TNR: variants seen among roughly 807,000 people sequenced by gnomAD.
TNR encodes tenascin-R.
TNR carries 45 observed loss-of-function variants against 150.4 expected under a neutral mutation model. That is an observed-to-expected ratio of 0.30 (90% CI 0.24 to 0.38). The LOEUF (loss-of-function observed/expected upper bound fraction) is 0.38, where lower values mean the gene tolerates loss of function less well. TNR is among the 10% of genes least tolerant of loss of function. TNR has a pLI of 1.00. For synonymous variants in TNR, 687 were observed against 678.4 expected, an observed-to-expected ratio of 1.01 and a Z score of -0.20; for missense variants, 1,544 against 1,759.1, an observed-to-expected ratio of 0.88 and a Z score of 2.19.
intron 2 of TNR, among the ~76,000 whole-genome samples, chr1:175,446,757 G>T (rs1178427890): frequency 6.6e-6 from 1 of 152,126 alleles, no homozygotes; most frequent in African/African-American, 2.4e-5. Context: ...TGGTCAGCTG[G>T]AAAAAGGAGA....
intron 2 of TNR, among the ~76,000 whole-genome samples, chr1:175,443,492 T>C (rs1175529240): frequency 1.3e-5 from 2 of 152,184 alleles, no homozygotes; most frequent in East Asian, 3.9e-4. Flanking sequence ...CTCATCATCT[T>C]CTGTGTGCTT....
At position 175,324,354 on chromosome 1, in the gene TNR, A is replaced by T. The variant is rs2101978274; in HGVS notation, c.3957+2T>A. On this transcript the variant is annotated splice_donor_variant, in intron 22 of 22. Transcript: ENST00000367674. LOFTEE classifies it high-confidence loss of function. Reference sequence around the variant, plus strand: ...TCATAGCAGAGGTGGAGCATCGCTTACCTGACTGTGCCTGGACTCCCCGTA... The same window carrying T: ...TCATAGCAGAGGTGGAGCATCGCTTTCCTGACTGTGCCTGGACTCCCCGTA... The T allele has an allele frequency of 6.2e-7, 1 of 1,612,994 alleles. No individual in the cohort carries two copies. The highest frequency in any genetic ancestry group is 8.5e-7 in the Non-Finnish European group (1 of 1,179,694).
At chr1:175,588,970 C>T (rs149065363) in intron 1 of TNR, among the ~76,000 whole-genome samples, 141 of 152,246 alleles carry the variant, frequency 9.3e-4, no homozygotes, top group African/African-American at 3.2e-3. Flanking sequence ...GAAGCCCAAG[C>T]ACCCATTTCA....
At chr1:175,354,626 A>G in intron 17 of TNR, 103 bp from the exon 18 acceptor site, 2 of 1,454,230 alleles carry the variant, frequency 1.4e-6, no homozygotes, top group Non-Finnish European at 1.9e-6. Flanking sequence ...CTAGGTCAGT[A>G]TTGCAATGGC....
At chr1:175,451,328 G>A (rs963698609) in intron 2 of TNR, among the ~76,000 whole-genome samples, 4 of 151,704 alleles carry the variant, frequency 2.6e-5, no homozygotes, top group East Asian at 1.9e-4. Flanking sequence ...CCATTAACTC[G>A]TCATTTACAT....
chr1:175,382,900 CAAAA>C (rs71129507), intron 8 of TNR, among the ~76,000 whole-genome samples: 2 of 103,696 alleles, frequency 1.9e-5, no homozygotes, highest in African/African-American at 3.6e-5. Context: ...GACTCCATCT[CAAAA>C]AAAAAAAAAA....
intron 2 of TNR, among the ~76,000 whole-genome samples, chr1:175,465,872 G>T (rs1214361338): frequency 6.6e-6 from 1 of 152,190 alleles, no homozygotes; most frequent in African/African-American, 2.4e-5. Flanking sequence ...TGTAACTGCT[G>T]GTTGATATAA....
At chr1:175,417,897 T>C (rs1321534973) in intron 2 of TNR, among the ~76,000 whole-genome samples, 2 of 152,214 alleles carry the variant, frequency 1.3e-5, no homozygotes, top group African/African-American at 4.8e-5. Context: ...TTCAGATTAC[T>C]TGTGTGCTAG....
intron 1 of TNR, among the ~76,000 whole-genome samples, chr1:175,632,843 G>A (rs189970051): frequency 1.3e-5 from 2 of 152,270 alleles, no homozygotes; most frequent in Non-Finnish European, 2.9e-5. Flanking sequence ...TGGTATCCAT[G>A]ACTCAAATCC....
In TNR at chr1:175,396,922, G is replaced by GCTC. The variant is rs146732638; in HGVS notation, c.977-118_977-116dup. On this transcript the variant is annotated intron_variant, in intron 4 of 22. Transcript: ENST00000367674. ...ATGCCATGTCTATATGTCCTGCTGG[G>GCTC]CTCAATGGCTTTAAGTGATTTGTAA... is the stretch of plus-strand genomic sequence containing the variant. The GCTC allele has an allele frequency of 9.0e-4, 1,215 of 1,355,132 alleles. 16 individuals carry two copies. In the East Asian group the frequency reaches 0.022, roughly 25 times the overall value. 83.9% of individuals were successfully genotyped at this position (1,355,132 alleles called of 1,614,324 possible).
At chr1:175,682,637 T>C (rs1666069315) in intron 1 of TNR, among the ~76,000 whole-genome samples, 1 of 152,196 alleles carries the variant, frequency 6.6e-6, no homozygotes, top group Non-Finnish European at 1.5e-5. Flanking sequence ...AAGACTCTGA[T>C]GGAGAGGACT....
intron 2 of TNR, among the ~76,000 whole-genome samples, chr1:175,417,875 G>C (rs1654569825): frequency 6.6e-6 from 1 of 152,104 alleles, no homozygotes; most frequent in South Asian, 2.1e-4. Flanking sequence ...ATATTGGATA[G>C]CCATTCGTTT....
Position 175,403,432 on chromosome 1 carries a change from A to T in TNR, c.684T>A (p.Asp228Glu), listed in dbSNP as rs761640942. The change falls in exon 4 of 23, where the codon GAT becomes GAA. Residue 228 changes from aspartate (D) to glutamate (E), a missense_variant. Transcript: ENST00000367674. ...QCICDSEYSGDDCSELRCPTD... is the reference protein window; with the variant it reads ...QCICDSEYSGEDCSELRCPTD... ...TTGGGCACCGGAGTTCGGAACAGTC[A>T]TCCCCGCTGTACTCGCTGTCACAGA... 1.9e-6 allele frequency: 3 copies of T among 1,614,034 alleles called. No individual in the cohort carries two copies. In the African/African-American group the frequency reaches 4.0e-5, roughly 22 times the overall value.
intron 3 of TNR, among the ~76,000 whole-genome samples, chr1:175,403,902 T>G (rs1016394143): frequency 6.6e-6 from 1 of 152,148 alleles, no homozygotes; most frequent in African/African-American, 2.4e-5. Context: ...TAGAAGTAGG[T>G]CTTTGCTAAA....
intron 3 of TNR, among the ~76,000 whole-genome samples, chr1:175,405,594 A>T (rs1653908573): frequency 6.9e-6 from 1 of 144,386 alleles, no homozygotes; most frequent in Non-Finnish European, 1.5e-5. Context: ...TGCATGCGTG[A>T]GAGAGAGAGT....
intron 1 of TNR, among the ~76,000 whole-genome samples, chr1:175,619,213 T>C (rs1663879872): frequency 1.3e-5 from 2 of 151,988 alleles, no homozygotes; most frequent in Non-Finnish European, 2.9e-5. Context: ...AAAAGACAGT[T>C]CCATTAGAAA....
intron 1 of TNR, among the ~76,000 whole-genome samples, chr1:175,656,170 G>A (rs1460343031): frequency 6.6e-6 from 1 of 151,168 alleles, no homozygotes; most frequent in Non-Finnish European, 1.5e-5. Context: ...GTGTGTGTGT[G>A]TGTGTGTGTG....
At chr1:175,619,995 C>T (rs1369664981) in intron 1 of TNR, among the ~76,000 whole-genome samples, 1 of 152,182 alleles carries the variant, frequency 6.6e-6, no homozygotes, top group African/African-American at 2.4e-5. Flanking sequence ...TAAAACCTAC[C>T]TCACCAATTA....
chr1:175,487,814 C>A (rs1658078385), intron 2 of TNR, among the ~76,000 whole-genome samples: 1 of 152,106 alleles, frequency 6.6e-6, no homozygotes, highest in Non-Finnish European at 1.5e-5. Flanking sequence ...TTTTTAATAC[C>A]AAATGGAATT....
Sources: gnomAD v4.1 joint callset for allele counts (sites outside exome capture counted in the v4.1 genomes callset) on GRCh38, gnomAD v4.1.1 for gene constraint, MANE v1.5 for transcripts, NCBI Gene and HGNC (gene_info 2026-07-23, HGNC 2026-07-21) for gene names.